FAM110B: variants seen among roughly 807,000 people sequenced by gnomAD.
FAM110B encodes the protein protein FAM110B.
In FAM110B, 6 loss-of-function variants were observed where a neutral mutation model predicts 20.4. That is an observed-to-expected ratio of 0.29 (90% CI 0.16 to 0.58). The LOEUF (loss-of-function observed/expected upper bound fraction) is 0.58. Ranked by LOEUF, FAM110B falls within the 20% of genes least tolerant of loss-of-function variation. The pLI is 0.90. For missense variants in FAM110B, 434 were observed against 498.2 expected, an observed-to-expected ratio of 0.87 and a Z score of 1.23; for synonymous variants, 226 against 214.1, an observed-to-expected ratio of 1.06 and a Z score of -0.49.
At chr8:58,000,731 G>A (rs7845456) in intron 1 of FAM110B, among the ~76,000 whole-genome samples, 14,011 of 152,206 alleles carry the variant, frequency 0.092, 962 homozygotes, top group African/African-American at 0.18. Flanking sequence ...GGAAATACCA[G>A]TGAATCCTGA....
intron 3 of FAM110B, among the ~76,000 whole-genome samples, chr8:58,116,760 C>A (rs879314540): frequency 7.2e-5 from 11 of 151,960 alleles, no homozygotes; most frequent in Middle Eastern, 3.2e-3. Flanking sequence ...AATGAATGAA[C>A]ATTCAGTTTC....
intron 2 of FAM110B, among the ~76,000 whole-genome samples, chr8:58,052,772 CTTTTTTTTTTTTTTTTTT>C (rs71248165): frequency 3.8e-5 from 2 of 52,290 alleles, no homozygotes; most frequent in Non-Finnish European, 6.9e-5. Context: ...GTGATGGACT[CTTTTTTTTTTTTTTTTTT>C]TTTTTTTTTT....
chr8:58,050,205 ACTTTT>A (rs1242803128), intron 2 of FAM110B, among the ~76,000 whole-genome samples: 2 of 149,288 alleles, frequency 1.3e-5, no homozygotes, highest in African/African-American at 2.5e-5. Context: ...AACCTCTTAT[ACTTTT>A]CTTTTTTTTT....
chr8:57,999,770 A>C (rs1804255954), intron 1 of FAM110B, among the ~76,000 whole-genome samples: 1 of 152,184 alleles, frequency 6.6e-6, no homozygotes, highest in Non-Finnish European at 1.5e-5. Context: ...AGCGAATTTA[A>C]GGCAGTAATA....
intron 1 of FAM110B, among the ~76,000 whole-genome samples, chr8:58,012,398 T>C (rs964616147): frequency 6.6e-6 from 1 of 152,222 alleles, no homozygotes; most frequent in Non-Finnish European, 1.5e-5. Context: ...ATGGAAGTTA[T>C]TTTGTTCAAA....
At chr8:58,023,941 T>C (rs1471781732) in intron 1 of FAM110B, among the ~76,000 whole-genome samples, 1 of 152,216 alleles carries the variant, frequency 6.6e-6, no homozygotes, top group Non-Finnish European at 1.5e-5. Flanking sequence ...CCACCAGGTG[T>C]ATTTATCTTT....
At chr8:58,069,024 A>G (rs1805835119) in intron 2 of FAM110B, among the ~76,000 whole-genome samples, 1 of 152,252 alleles carries the variant, frequency 6.6e-6, no homozygotes, top group South Asian at 2.1e-4. Context: ...GAATCAAGTG[A>G]AAGTAGTGAC....
At chr8:58,088,880 T>C (rs957569379) in intron 3 of FAM110B, among the ~76,000 whole-genome samples, 2 of 152,218 alleles carry the variant, frequency 1.3e-5, no homozygotes, top group African/African-American at 2.4e-5. Context: ...CCTTTGTAAA[T>C]CTGTGACATT....
intron 1 of FAM110B, among the ~76,000 whole-genome samples, chr8:58,017,983 T>C (rs1211846513): frequency 6.6e-6 from 1 of 152,202 alleles, no homozygotes; most frequent in African/African-American, 2.4e-5. Context: ...TGTCATAATG[T>C]ACTGTTTTAA....
At chr8:58,006,671 C>G (rs575970325) in intron 1 of FAM110B, among the ~76,000 whole-genome samples, 1 of 150,676 alleles carries the variant, frequency 6.6e-6, no homozygotes, top group Admixed American at 6.6e-5. Flanking sequence ...GGCACGATCT[C>G]GGCTCACTGC....
At chr8:58,036,371 T>C (rs1217815933) in intron 2 of FAM110B, among the ~76,000 whole-genome samples, 2 of 152,340 alleles carry the variant, frequency 1.3e-5, no homozygotes, top group East Asian at 1.9e-4. Context: ...TCAAGACTTA[T>C]TATCTTACTT....
In FAM110B at chr8:58,142,861, C is replaced by T. The variant is rs531167473; in HGVS notation, c.-324-3046C>T. Among the ~76,000 whole-genome samples the T allele has an allele frequency of 2.0e-5, 3 of 152,284 alleles. No individual in the cohort carries two copies. The South Asian group carries it at 6.2e-4, about 32-fold the overall frequency. Reference sequence around the variant, plus strand: ...CCTACGGGGCCAAGATCTAATTTTCCTTCCTCAAAACAACACGAAGCCCCT... The same window carrying T: ...CCTACGGGGCCAAGATCTAATTTTCTTTCCTCAAAACAACACGAAGCCCCT... On this transcript the variant is annotated intron_variant, in intron 3 of 3. Coordinates refer to ENST00000519262, the MANE Select transcript of FAM110B (RefSeq NM_001377989.1).
chr8:58,059,686 G>A (rs550929966), intron 2 of FAM110B, among the ~76,000 whole-genome samples: 24 of 150,952 alleles, frequency 1.6e-4, no homozygotes, highest in African/African-American at 4.4e-4. Flanking sequence ...ATTTTCTTTC[G>A]TCTAGTTTTT....
At chr8:57,995,010 C>T (rs540475446) in intron 1 of FAM110B, among the ~76,000 whole-genome samples, 7 of 152,224 alleles carry the variant, frequency 4.6e-5, no homozygotes, top group Admixed American at 4.6e-4. Context: ...CCAGGCGGAC[C>T]CCGTCCGGCT....
chr8:58,094,372 A>G (rs1806566691), intron 3 of FAM110B, among the ~76,000 whole-genome samples: 1 of 152,142 alleles, frequency 6.6e-6, no homozygotes, highest in Admixed American at 6.6e-5. Context: ...TCAGTATGAT[A>G]TTGATTGTGG....
intron 2 of FAM110B, chr8:58,043,218 A>T (rs1805254889): frequency 6.6e-6 from 1 of 152,264 alleles, no homozygotes; most frequent in Non-Finnish European, 1.5e-5. Flanking sequence ...GTGGCCAGTA[A>T]ATGTCAGCTG....
At position 58,146,106 on chromosome 8, in the gene FAM110B, C is replaced by A; in HGVS notation, c.-125C>A. The A allele has an allele frequency of 8.7e-7, 1 of 1,142,868 alleles. No homozygotes were observed. Among genetic ancestry groups the A allele is most frequent in the Non-Finnish European group, 1.2e-6 (1 of 821,406 alleles). The allele number at this position is 1,142,868 out of a possible 1,614,324, so 70.8% of individuals were successfully genotyped here. ...AGATGAGGCGCTGCTGCGGCCGCTG[C>A]TGCTGACACTCGCTCCCAGGCTGCA... On this transcript the variant is annotated 5_prime_UTR_variant, in exon 4 of 4. It adds an upstream start codon to the 5' untranslated region. Coordinates refer to ENST00000519262, the MANE Select transcript of FAM110B (RefSeq NM_001377989.1).
intron 2 of FAM110B, chr8:58,070,349 G>C (rs911147354): frequency 6.6e-6 from 1 of 152,198 alleles, no homozygotes; most frequent in Non-Finnish European, 1.5e-5. Flanking sequence ...AAGGACAGCC[G>C]GCTGCTGTGG....
intron 3 of FAM110B, among the ~76,000 whole-genome samples, chr8:58,086,866 A>C (rs897616742): frequency 5.9e-5 from 9 of 152,362 alleles, no homozygotes; most frequent in Admixed American, 2.0e-4. Flanking sequence ...GTGATATTGC[A>C]CAAGGTGAGG....
Sources: gnomAD v4.1 joint callset for allele counts (sites outside exome capture counted in the v4.1 genomes callset) on GRCh38, gnomAD v4.1.1 for gene constraint, MANE v1.5 for transcripts, NCBI Gene and HGNC (gene_info 2026-07-23, HGNC 2026-07-21) for gene names.